DIP2C: variants seen among roughly 807,000 people sequenced by gnomAD.
DIP2C encodes the protein disco-interacting protein 2 homolog C.
In DIP2C, 33 loss-of-function variants were observed where a neutral mutation model predicts 192.4. The ratio of observed to expected loss-of-function variants is 0.17; its 90% CI spans 0.13 to 0.23. DIP2C has a LOEUF of 0.23. Among genes scored for constraint, DIP2C ranks in the 10% least tolerant of loss-of-function variants. The pLI, the probability that DIP2C is intolerant of heterozygous loss-of-function variation, is 1.00. For missense variants in DIP2C, 1,537 were observed against 2,110.1 expected (o/e 0.73, Z 5.32); for synonymous variants, 979 against 864.1 (o/e 1.13, Z -2.33).
chr10:518,589 C>T (rs1218265808), intron 1 of DIP2C, among the ~76,000 whole-genome samples: 1 of 152,190 alleles, frequency 6.6e-6, no homozygotes, highest in Non-Finnish European at 1.5e-5. Context: ...GTGTCAGGGC[C>T]AGAGAGAAGG....
chr10:417,337 G>A (rs973262578), intron 6 of DIP2C, among the ~76,000 whole-genome samples: 2 of 152,120 alleles, frequency 1.3e-5, no homozygotes, highest in Non-Finnish European at 2.9e-5. Flanking sequence ...ACACCACGCA[G>A]GATTTACCTG....
chr10:676,485 C>T (rs187219556), intron 1 of DIP2C, among the ~76,000 whole-genome samples: 12 of 146,684 alleles, frequency 8.2e-5, no homozygotes, highest in African/African-American at 3.0e-4. Context: ...TGTTTTCAGA[C>T]AATATGCTCT....
chr10:507,113 G>A (rs1012714201), intron 1 of DIP2C, among the ~76,000 whole-genome samples: 15 of 151,966 alleles, frequency 9.9e-5, no homozygotes, highest in Admixed American at 2.0e-4. Context: ...AGAGGTATGC[G>A]AGGTTAGGGA....
chr10:414,888 GTGTATATA>G (rs1429038278), intron 7 of DIP2C, among the ~76,000 whole-genome samples: 5 of 66,110 alleles, frequency 7.6e-5, no homozygotes, highest in African/African-American at 3.8e-4. Context: ...GTGTGTGTGT[GTGTATATA>G]TATATATATA....
intron 29 of DIP2C, among the ~76,000 whole-genome samples, chr10:332,576 G>C (rs182130090): frequency 2.6e-5 from 4 of 152,290 alleles, no homozygotes; most frequent in Admixed American, 2.0e-4. Flanking sequence ...CTATGGACAA[G>C]ACAAACCTAC....
intron 3 of DIP2C, among the ~76,000 whole-genome samples, chr10:462,139 C>T (rs1969835618): frequency 6.6e-6 from 1 of 151,920 alleles, no homozygotes; most frequent in Non-Finnish European, 1.5e-5. Context: ...AAAGAGCAAA[C>T]AAATTCAAAA....
intron 2 of DIP2C, among the ~76,000 whole-genome samples, chr10:475,501 G>T (rs1970986556): frequency 6.6e-6 from 1 of 151,994 alleles, no homozygotes; most frequent in Non-Finnish European, 1.5e-5. Flanking sequence ...CCTCCTCTTG[G>T]TGCCCATGGA....
intron 1 of DIP2C, chr10:661,917 G>C (rs1162747505): frequency 1.5e-6 from 1 of 653,312 alleles, no homozygotes; most frequent in Non-Finnish European, 2.8e-6. Flanking sequence ...TAGACTCACA[G>C]CTTCATCTGC....
At chr10:662,061 C>T (rs1299295258) in intron 1 of DIP2C, 4 of 717,008 alleles carry the variant, frequency 5.6e-6, no homozygotes, top group Non-Finnish European at 1.0e-5. Context: ...CACAGCATAC[C>T]GCACATCAAA....
chr10:527,380 C>A (rs1237389894), intron 1 of DIP2C, among the ~76,000 whole-genome samples: 2 of 152,230 alleles, frequency 1.3e-5, no homozygotes, highest in African/African-American at 4.8e-5. Flanking sequence ...AATGCCTTAA[C>A]CTTGACTTCA....
rs1484389270 is a variant in DIP2C, at chr10:399,180, T to C, written c.1189A>G (p.Met397Val). Reference sequence around the variant, plus strand: ...AGCAGGCAGCCGTAGAAAGCCGCCATGAAGGCAGCCGGATCATTGTTGGGG... The same window carrying C: ...AGCAGGCAGCCGTAGAAAGCCGCCACGAAGGCAGCCGGATCATTGTTGGGG... ...VFPNNDPAAF[M>V]AAFYGCLLAE... The change falls in exon 10 of 37, where the codon ATG (methionine) becomes GTG (valine). Residue 397 changes from methionine to valine, a missense_variant. Physicochemically the swap from Met to Val is conservative, Grantham distance 21 (BLOSUM62 1). Around this residue, in one of 4 missense-constraint regions of DIP2C, gnomAD observed 677 missense variants for 989.9 expected, o/e 0.68. Coordinates refer to ENST00000280886, the MANE Select transcript of DIP2C (RefSeq NM_014974.3). The C allele has an allele frequency of 1.9e-6, 3 of 1,614,082 alleles. No homozygotes were observed. The highest frequency in any genetic ancestry group is 2.2e-5 in the East Asian group (1 of 44,876).
chr10:503,276 G>C lies in DIP2C; in HGVS notation c.86-16746C>G, dbSNP rs1048672877. Among the ~76,000 whole-genome samples, 12 of 152,342 alleles carry C rather than the reference G, an allele frequency of 7.9e-5. No homozygotes were observed. In the East Asian group the frequency reaches 1.7e-3, roughly 22 times the overall value. On this transcript the variant is annotated intron_variant, in intron 1 of 36. Transcript: ENST00000280886. ...ATAAATCCTGCCAGGACTTTCTGTA[G>C]ATGCAGACAAGCTAAAAGTTACATG...
chr10:509,475 C>T (rs1395690968), intron 1 of DIP2C, among the ~76,000 whole-genome samples: 1 of 152,182 alleles, frequency 6.6e-6, no homozygotes, highest in Non-Finnish European at 1.5e-5. Flanking sequence ...CGGAACATCC[C>T]ACACCCCAAA....
intron 4 of DIP2C, among the ~76,000 whole-genome samples, chr10:431,122 A>C (rs901890835): frequency 6.6e-6 from 1 of 152,186 alleles, no homozygotes; most frequent in Admixed American, 6.5e-5. Context: ...ATTTATAGTA[A>C]GTCTTGAAGT....
chr10:428,842 T>C (rs1966757992), intron 4 of DIP2C, among the ~76,000 whole-genome samples: 2 of 152,176 alleles, frequency 1.3e-5, no homozygotes, highest in Admixed American at 6.5e-5. Flanking sequence ...TAATTTCTTT[T>C]CATCCCTCTT....
chr10:373,429 AAAG>A (rs1243653781), intron 17 of DIP2C, among the ~76,000 whole-genome samples: 3 of 152,216 alleles, frequency 2.0e-5, no homozygotes, highest in Admixed American at 2.0e-4. Context: ...TTGATTTTTA[AAAG>A]AAAAGCAGAA....
chr10:618,121 G>A (rs535633415), intron 1 of DIP2C, among the ~76,000 whole-genome samples: 11 of 152,212 alleles, frequency 7.2e-5, no homozygotes, highest in African/African-American at 2.4e-4. Context: ...AAACCCTCAA[G>A]TGAAACAAGT....
At chr10:572,727 G>GA (rs1686827156) in intron 1 of DIP2C, among the ~76,000 whole-genome samples, 1 of 152,142 alleles carries the variant, frequency 6.6e-6, no homozygotes, top group Non-Finnish European at 1.5e-5. Flanking sequence ...CCATTCATCT[G>GA]AAAGTCACAG....
intron 20 of DIP2C, 51 bp downstream of exon 20, chr10:364,320 TAAA>T: frequency 6.4e-7 from 1 of 1,568,304 alleles, no homozygotes; most frequent in Non-Finnish European, 8.7e-7. Context: ...CAAAACCACA[TAAA>T]AAATATGGCC....
Sources: gnomAD v4.1 joint callset for allele counts (sites outside exome capture counted in the v4.1 genomes callset) on GRCh38, gnomAD v4.1.1 for gene constraint, gnomAD v4.1.1 regional missense constraint, MANE v1.5 for transcripts, NCBI Gene and HGNC (gene_info 2026-07-23, HGNC 2026-07-21) for gene names.